The following UGGT1 variants were observed in gnomAD, a reference collection of about 807,000 sequenced individuals.
UGGT1 encodes the protein UDP-glucose:glycoprotein glucosyltransferase 1.
UGGT1 carries 107 observed loss-of-function variants against 203.9 expected under a neutral mutation model. The ratio of observed to expected loss-of-function variants is 0.52; its 90% CI spans 0.45 to 0.62. The LOEUF is 0.62. UGGT1 is among the 20% of genes least tolerant of loss of function. The pLI, the probability that UGGT1 is intolerant of heterozygous loss-of-function variation, is 0.00. For missense variants in UGGT1, 1,673 were observed against 1,867.2 expected, an observed-to-expected ratio of 0.90 and a Z score of 1.92; for synonymous variants, 628 against 653.5, an observed-to-expected ratio of 0.96 and a Z score of 0.59.
chr2:128,098,621 G>A (rs1327450279), intron 2 of UGGT1, among the ~76,000 whole-genome samples: 5 of 152,012 alleles, frequency 3.3e-5, no homozygotes, highest in South Asian at 2.1e-4. Context: ...GTGGTGGTTC[G>A]TGCCTATAGT....
chr2:128,161,363 C>T, intron 25 of UGGT1, 95 bp downstream of exon 25: 1 of 1,399,176 alleles, frequency 7.1e-7, no homozygotes, highest in Non-Finnish European at 9.6e-7. Flanking sequence ...TACTACATAT[C>T]CCAAGGAGTT....
rs769978482 is a variant in UGGT1, at chr2:128,091,382, G to C, written c.25G>C (p.Gly9Arg). 1 of 1,575,850 alleles carries C rather than the reference G, an allele frequency of 6.3e-7. No homozygotes were observed. Among genetic ancestry groups the C allele is most frequent in the East Asian group, 2.3e-5 (1 of 42,820 alleles). Reference protein sequence around the residue: MGCKGDASGACAAGALPVT... With the variant: MGCKGDASRACAAGALPVT... ...CATGGGCTGCAAGGGAGACGCGAGCGGTGCGTGTGCCGCGGGTGCGCTGCC... is the reference window on the plus strand; with the variant it reads ...CATGGGCTGCAAGGGAGACGCGAGCCGTGCGTGTGCCGCGGGTGCGCTGCC... The change falls in exon 1 of 41, where the codon GGT (glycine) becomes CGT (arginine). Residue 9 changes from glycine (G) to arginine (R), a missense_variant. Physicochemically the swap from Gly to Arg is moderately radical, Grantham distance 125 (BLOSUM62 -2). Transcript: ENST00000259253.
chr2:128,097,082 T>G (rs2105331492), intron 1 of UGGT1, among the ~76,000 whole-genome samples: 1 of 152,320 alleles, frequency 6.6e-6, no homozygotes, highest in Admixed American at 6.5e-5. Flanking sequence ...GAGGTTAAAA[T>G]TACCTTGTAG....
intron 2 of UGGT1, among the ~76,000 whole-genome samples, chr2:128,102,040 A>G (rs989484029): frequency 6.6e-6 from 1 of 152,162 alleles, no homozygotes; most frequent in Non-Finnish European, 1.5e-5. Context: ...TGTTTTAACA[A>G]TTATCAATTT....
rs765506986 is a variant in UGGT1, at chr2:128,109,656, C to T, written c.431C>T (p.Pro144Leu). 1 of 1,614,088 alleles carries T rather than the reference C, an allele frequency of 6.2e-7. No individual in the cohort carries two copies. Among genetic ancestry groups the T allele is most frequent in the Admixed American group, 1.7e-5 (1 of 60,012 alleles). The change falls in exon 5 of 41, where the codon CCA (proline) becomes CTA (leucine). Residue 144 changes from proline to leucine, a missense_variant. Physicochemically the swap from Pro to Leu is moderately conservative, Grantham distance 98. Around this residue, in one of 4 missense-constraint regions of UGGT1, gnomAD observed 1,073 missense variants for 1,078.7 expected, o/e 0.99. Coordinates refer to ENST00000259253, the MANE Select transcript of UGGT1 (RefSeq NM_020120.4). The stretch of plus-strand genomic sequence containing the variant: ...CAGATAGCAGCTGATGAACCTCCAC[C>T]AGAAGGATGTAATTCGTTTTTTTCA... Reference protein sequence around the residue: ...FQQIAADEPPPEGCNSFFSVH... With the variant: ...FQQIAADEPPLEGCNSFFSVH...
At chr2:128,115,964 A>G (rs1688082738) in intron 7 of UGGT1, among the ~76,000 whole-genome samples, 1 of 152,166 alleles carries the variant, frequency 6.6e-6, no homozygotes, top group Non-Finnish European at 1.5e-5. Context: ...TAATTTCATA[A>G]TTGTCCATAA....
intron 30 of UGGT1, 29 bp downstream of exon 30, chr2:128,173,968 A>G (rs1207939081): frequency 1.2e-6 from 2 of 1,606,030 alleles, no homozygotes; most frequent in Non-Finnish European, 1.7e-6. Flanking sequence ...AGATAGTGAT[A>G]TTGTAGTTAC....
At chr2:128,145,572 T>C in intron 17 of UGGT1, 2 of 434,114 alleles carry the variant, frequency 4.6e-6, no homozygotes, top group Non-Finnish European at 8.1e-6. Context: ...TTGCAAGCTT[T>C]TGTGGTCTTG....
chr2:128,183,272 C>T (rs1303207844), intron 37 of UGGT1, among the ~76,000 whole-genome samples: 1 of 152,210 alleles, frequency 6.6e-6, no homozygotes, highest in African/African-American at 2.4e-5. Context: ...TGGCTTCATT[C>T]TTTACATTCC....
rs914403008 is a variant in UGGT1 at position 128,091,277 on chromosome 2, G to T, written c.-81G>T. ...CGCGTGTCGGCCTCTCACTGGCGCA[G>T]CCTGCACTGCCGCTGCCGCCTCGCC... On this transcript the variant is annotated 5_prime_UTR_variant, in exon 1 of 41. Coordinates refer to ENST00000259253, the MANE Select transcript of UGGT1 (RefSeq NM_020120.4). 18 of 1,413,582 alleles carry T rather than the reference G, an allele frequency of 1.3e-5. No individual in the cohort carries two copies. In the South Asian group the frequency reaches 2.2e-4, roughly 17 times the overall value. The allele number at this position is 1,413,582 out of a possible 1,614,324, so 87.6% of individuals were successfully genotyped here.
intron 26 of UGGT1, among the ~76,000 whole-genome samples, chr2:128,168,155 C>T (rs1042204611): frequency 2.0e-5 from 3 of 152,172 alleles, no homozygotes; most frequent in African/African-American, 7.2e-5. Flanking sequence ...TTGCTGGACC[C>T]GTCCCCAGAG....
rs1335194007 is a variant in UGGT1 at position 128,117,836 on chromosome 2, A to G, written c.872+1493A>G. Among the ~76,000 whole-genome samples the G allele has an allele frequency of 3.3e-5, 5 of 152,086 alleles. No individual in the cohort carries two copies. In the East Asian group the frequency reaches 7.7e-4, roughly 23 times the overall value. On this transcript the variant is annotated intron_variant, in intron 8 of 40. Transcript: ENST00000259253. ...AGTGCTGGGATTACAGGTGTGAGCC[A>G]CCGTGCCTGGCCTGGAACGTCTTCT...
intron 15 of UGGT1, among the ~76,000 whole-genome samples, chr2:128,135,921 G>T (rs2080447161): frequency 1.3e-5 from 2 of 152,204 alleles, no homozygotes; most frequent in South Asian, 4.1e-4. Flanking sequence ...CTGGTTAGAT[G>T]GAAGAACCTA....
intron 18 of UGGT1, among the ~76,000 whole-genome samples, chr2:128,151,979 G>A (rs1373742145): frequency 6.6e-6 from 1 of 152,214 alleles, no homozygotes; most frequent in African/African-American, 2.4e-5. Flanking sequence ...ATGGCTCTGA[G>A]ATCACCTTCA....
chr2:128,162,114 C>T (rs1690555403), intron 25 of UGGT1, among the ~76,000 whole-genome samples: 1 of 152,080 alleles, frequency 6.6e-6, no homozygotes, highest in African/African-American at 2.4e-5. Flanking sequence ...ATTCACATTT[C>T]CCTAATGATT....
intron 13 of UGGT1, among the ~76,000 whole-genome samples, chr2:128,130,657 G>A (rs1264313020): frequency 2.0e-5 from 3 of 152,164 alleles, no homozygotes; most frequent in Admixed American, 1.3e-4. Context: ...GGAAGAAACA[G>A]TTTTAGTTGA....
chr2:128,120,829 A>G (rs1688344510), intron 9 of UGGT1, among the ~76,000 whole-genome samples: 2 of 152,190 alleles, frequency 1.3e-5, no homozygotes, highest in Non-Finnish European at 2.9e-5. Flanking sequence ...GTTCCAAAGA[A>G]CTATTTTTCA....
In UGGT1 at chr2:128,123,226, G is replaced by A. The variant is rs766018217; in HGVS notation, c.1114G>A (p.Glu372Lys). 2.1e-5 allele frequency: 34 copies of A among 1,613,262 alleles called. No homozygotes were observed. The highest frequency in any genetic ancestry group is 2.9e-5 in the Non-Finnish European group (34 of 1,179,618). The change falls in exon 11 of 41, where the codon GAA becomes AAA. Residue 372 changes from glutamate to lysine, a missense_variant. Transcript: ENST00000259253. ...AGCTGTGAGCTCAGAACTTAGAACC[G>A]AAGTGGAAGAGAATCAGAAGGTATT... is the stretch of plus-strand genomic sequence containing the variant. ...KTAVSSELRT[E>K]VEENQKYFKG... is the part of the protein sequence containing the mutation.
chr2:128,155,374 A>C, intron 19 of UGGT1, 115 bp from the exon 20 acceptor site: 1 of 746,894 alleles, frequency 1.3e-6, no homozygotes, highest in South Asian at 1.9e-5. Flanking sequence ...AACTTAATAT[A>C]CTTCACTCAC....
Sources: allele counts gnomAD v4.1 joint callset (sites outside exome capture counted in the v4.1 genomes callset), GRCh38; gene constraint gnomAD v4.1.1; regional missense constraint gnomAD v4.1.1; transcripts MANE v1.5; gene names NCBI Gene and HGNC (gene_info 2026-07-23, HGNC 2026-07-21).